The following CD5 variants were observed in gnomAD, a reference collection of about 807,000 sequenced individuals.
CD5 encodes CD5 molecule.
In CD5, 36 loss-of-function variants were observed where a neutral mutation model predicts 60.3. The observed-to-expected ratio is 0.60, with a 90% CI of 0.46 to 0.79. The LOEUF is 0.79. Ranked by LOEUF, CD5 falls within the 30% of genes least tolerant of loss-of-function variation. The pLI, the probability that CD5 is intolerant of heterozygous loss-of-function variation, is 0.00. For missense variants in CD5, 540 were observed against 630.6 expected (o/e 0.86, Z 1.54); for synonymous variants, 230 against 257.6 (o/e 0.89, Z 1.03).
At chr11:61,107,225 G>T (rs1448321457) in intron 1 of CD5, among the ~76,000 whole-genome samples, 4 of 152,194 alleles carry the variant, frequency 2.6e-5, no homozygotes, top group African/African-American at 9.7e-5. Context: ...AGCCCACCGT[G>T]TGGGACCTGA....
rs11355003 is a variant in CD5, at chr11:61,109,518, CTT to C, written c.56-5528_56-5527del. ...AAAGCAAAACAAAATTAAAAGAAAC[CTT>C]TTTTTTTTTAATTTGGCTCAAAAAA... On this transcript the variant is annotated intron_variant, in intron 1 of 10. Coordinates refer to ENST00000347785, the MANE Select transcript of CD5 (RefSeq NM_014207.4). 1.1e-3 allele frequency among the ~76,000 whole-genome samples: 167 copies of C among 148,658 alleles called. 1 individual carries two copies. The highest frequency in any genetic ancestry group is 3.9e-3 in the African/African-American group (158 of 40,686).
chr11:61,109,342 T>C (rs1272764963), intron 1 of CD5, among the ~76,000 whole-genome samples: 1 of 152,210 alleles, frequency 6.6e-6, no homozygotes, highest in East Asian at 1.9e-4. Context: ...GCCAGGTCTC[T>C]CCACACACAT....
intron 5 of CD5, among the ~76,000 whole-genome samples, chr11:61,121,361 T>C (rs1861056366): frequency 6.6e-6 from 1 of 152,250 alleles, no homozygotes; most frequent in South Asian, 2.1e-4. Flanking sequence ...AAAGCGCCTA[T>C]GCTGCTGTGT....
chr11:61,094,779 G>A, the CD5 span, among the ~76,000 whole-genome samples: 76 of 152,230 alleles, frequency 5.0e-4, no homozygotes, highest in African/African-American at 1.7e-3. Flanking sequence ...GGGATTTAAG[G>A]GAGACTCTGG....
Position 61,117,901 on chromosome 11 carries a change from G to C in CD5, c.95-274G>C, listed in dbSNP as rs139755039. 2.9e-3 allele frequency among the ~76,000 whole-genome samples: 447 copies of C among 152,310 alleles called. 15 individuals are homozygous for C. Among genetic ancestry groups the C allele is most frequent in the Non-Finnish European group, 5.6e-4 (38 of 68,028 alleles). ...ACAGGGGCCATCCTGCTGGACAGTG[G>C]GTGCCGAGAACACCTTGCCCATTTA... On this transcript the variant is annotated intron_variant, in intron 2 of 10. Transcript: ENST00000347785.
chr11:61,101,927 C>CT (rs1860699172), upstream of CD5, among the ~76,000 whole-genome samples: 3 of 151,566 alleles, frequency 2.0e-5, no homozygotes, highest in African/African-American at 7.3e-5. Flanking sequence ...CACACACACA[C>CT]ACACACACAC....
intron 6 of CD5, 75 bp downstream of exon 6, chr11:61,121,979 T>G (rs1861066904): frequency 7.6e-7 from 1 of 1,323,730 alleles, no homozygotes; most frequent in Admixed American, 2.7e-5. Flanking sequence ...GGTGCATGTC[T>G]CTAAAGGGAA....
At chr11:61,116,672 ACACAC>A (rs2134603972) in intron 2 of CD5, among the ~76,000 whole-genome samples, 1 of 137,572 alleles carries the variant, frequency 7.3e-6, no homozygotes, top group African/African-American at 2.8e-5. Context: ...CACACCACAC[ACACAC>A]ACTACACACA....
At chr11:61,123,805 AGCCCC>A in intron 7 of CD5, 74 bp from the exon 8 acceptor site, 7 of 454,810 alleles carry the variant, frequency 1.5e-5, no homozygotes, top group Admixed American at 9.2e-5. Context: ...TCCCAGGCCC[AGCCCC>A]ATCCCCACCC....
At chr11:61,123,543 G>C (rs892161043) in intron 7 of CD5, among the ~76,000 whole-genome samples, 1 of 152,174 alleles carries the variant, frequency 6.6e-6, no homozygotes, top group African/African-American at 2.4e-5. Flanking sequence ...AAGTGAGAGG[G>C]GAGAGATTGG....
Position 61,119,305 on chromosome 11 carries a change from G to A in CD5, c.535G>A (p.Gly179Ser), listed in dbSNP as rs139828128. Residue 179 changes from glycine (G) to serine (S), a missense_variant, in exon 5 of 11, where the codon GGC becomes AGC. Physicochemically the swap from Gly to Ser is moderately conservative, Grantham distance 56. Transcript: ENST00000347785. The stretch of plus-strand genomic sequence containing the variant: ...TGCCGGCGTGGTGGAGTTCTACAGC[G>A]GCAGCCTGGGGGGTACCATCAGCTA... ...HCAGVVEFYS[G>S]SLGGTISYEA... 4.4e-4 allele frequency: 710 copies of A among 1,613,832 alleles called. 1 individual carries two copies. The highest frequency in any genetic ancestry group is 1.5e-3 in the Middle Eastern group (9 of 6,060).
Position 61,115,067 on chromosome 11 carries a change from C to T in CD5, c.67C>T (p.Leu23Phe). ...YLLGMLVASCLGRLSWYDPDF... is the reference protein window; with the variant it reads ...YLLGMLVASCFGRLSWYDPDF... Reference sequence around the variant, plus strand: ...TCTTCTTTCTGCAGTCGCTTCCTGCCTCGGACGGCTCAGCTGGTATGACCC... The same window carrying T: ...TCTTCTTTCTGCAGTCGCTTCCTGCTTCGGACGGCTCAGCTGGTATGACCC... Residue 23 changes from leucine (L) to phenylalanine (F), a missense_variant, in exon 2 of 11, where the codon CTC (leucine) becomes TTC (phenylalanine). Physicochemically the swap from Leu to Phe is conservative, Grantham distance 22 (BLOSUM62 0). Coordinates refer to ENST00000347785, the MANE Select transcript of CD5 (RefSeq NM_014207.4). 1.3e-6 allele frequency: 2 copies of T among 1,558,556 alleles called. No individual in the cohort carries two copies. The highest frequency in any genetic ancestry group is 1.7e-6 in the Non-Finnish European group (2 of 1,150,446).
chr11:61,103,716 GTA>G (rs1860735445), intron 1 of CD5, among the ~76,000 whole-genome samples: 4 of 149,362 alleles, frequency 2.7e-5, no homozygotes, highest in Admixed American at 6.6e-5. Context: ...AGTACTGTGT[GTA>G]GGGGAATGTG....
In CD5 at chr11:61,126,886, T is replaced by G. The variant is rs2134616625; in HGVS notation, c.*601T>G. 1 of 152,150 alleles carries G rather than the reference T, an allele frequency of 6.6e-6. No individual in the cohort carries two copies. The allele number at this position is 152,150 out of a possible 1,614,324, so 9.4% of individuals were successfully genotyped here. A position where few individuals can be genotyped will look rare whatever the true frequency, so the allele number is the denominator to read the frequency against. ...CGCAGCTGCCAGCCAGGGGTCTGGG[T>G]GGGCACCACCCTGACCCACAGCGTC... On this transcript the variant is annotated 3_prime_UTR_variant, in exon 11 of 11. Transcript: ENST00000347785.
chr11:61,116,835 ACACACACACCAC>A (rs1565185270), intron 2 of CD5, among the ~76,000 whole-genome samples: 1 of 137,142 alleles, frequency 7.3e-6, no homozygotes, highest in African/African-American at 2.8e-5. Context: ...AACACACACA[ACACACACACCAC>A]CACACACACA....
upstream of CD5, among the ~76,000 whole-genome samples, chr11:61,099,957 T>A (rs1409059213): frequency 1.1e-3 from 69 of 60,204 alleles, no homozygotes; most frequent in Admixed American, 1.4e-3. Flanking sequence ...TCACACACAC[T>A]CGTCAACATG....
rs143050269 is a variant in CD5 at position 61,121,788 on chromosome 11, G to A, written c.983G>A (p.Arg328Gln). 1.7e-4 allele frequency: 282 copies of A among 1,611,734 alleles called. 3 individuals carry two copies. The highest frequency in any genetic ancestry group is 5.8e-4 in the South Asian group (53 of 90,906). The change falls in exon 6 of 11, where the codon CGA becomes CAA. Residue 328 changes from arginine to glutamine, a missense_variant. Transcript: ENST00000347785. ...EQQCGSVNSYRVLDAGDPTSR... is the reference protein window; with the variant it reads ...EQQCGSVNSYQVLDAGDPTSR... ...CAGTGTGGCAGCGTCAACTCCTATC[G>A]AGTGCTGGACGCTGGTGACCCAACA...
intron 10 of CD5, 30 bp downstream of exon 10, chr11:61,125,871 C>T: frequency 6.7e-7 from 1 of 1,501,540 alleles, no homozygotes; most frequent in African/African-American, 1.4e-5. Context: ...GACCCCAGCA[C>T]CCCAGGGTCC....
chr11:61,102,623 C>T lies in CD5; in HGVS notation c.55+8C>T, dbSNP rs377003170. ...ACCTGCTGGGGATGCTGGGTGAGTA[C>T]CCCTCCCAGGTGTCCTGCGAACACC... is the stretch of plus-strand genomic sequence containing the variant. On this transcript the variant is annotated splice_region_variant and intron_variant, in intron 1 of 10. Coordinates refer to ENST00000347785, the MANE Select transcript of CD5 (RefSeq NM_014207.4). 373 of 1,582,630 alleles carry T rather than the reference C, an allele frequency of 2.4e-4. No homozygotes were observed. Among genetic ancestry groups the T allele is most frequent in the Non-Finnish European group, 3.0e-4 (350 of 1,163,292 alleles).
Sources: allele counts gnomAD v4.1 joint callset (sites outside exome capture counted in the v4.1 genomes callset), GRCh38; gene constraint gnomAD v4.1.1; transcripts MANE v1.5; gene names NCBI Gene and HGNC (gene_info 2026-07-23, HGNC 2026-07-21).